The following SCTR variants were observed in gnomAD, a reference collection of about 807,000 sequenced individuals.
The protein encoded by SCTR is secretin receptor, also known as pancreatic secretin receptor.
SCTR carries 56 observed loss-of-function variants against 60.8 expected under a neutral mutation model. The ratio of observed to expected loss-of-function variants is 0.92; its 90% CI spans 0.74 to 1.15. The LOEUF (loss-of-function observed/expected upper bound fraction) is 1.15. SCTR is among the 50% of genes most tolerant of loss of function. The probability of loss-of-function intolerance (pLI) is 0.00; values close to 1 mark genes in which losing one functional copy is unlikely to be tolerated. For synonymous variants in SCTR, 202 were observed against 217.0 expected, an observed-to-expected ratio of 0.93 and a Z score of 0.61; for missense variants, 562 against 550.4, an observed-to-expected ratio of 1.02 and a Z score of -0.21.
At chr2:119,447,645 C>T (rs1007236858) in intron 10 of SCTR, among the ~76,000 whole-genome samples, 2 of 152,184 alleles carry the variant, frequency 1.3e-5, no homozygotes, top group South Asian at 2.1e-4. Flanking sequence ...AATCGCGGCT[C>T]ACTGCAACCT....
chr2:119,518,989 C>T (rs569047049), intron 1 of SCTR, among the ~76,000 whole-genome samples: 19 of 151,834 alleles, frequency 1.3e-4, no homozygotes, highest in East Asian at 7.7e-4. Flanking sequence ...TTTTTTGAGA[C>T]GGAGTTTTGC....
intron 7 of SCTR, among the ~76,000 whole-genome samples, chr2:119,459,233 A>G (rs1410137937): frequency 1.3e-5 from 2 of 152,218 alleles, no homozygotes; most frequent in Non-Finnish European, 2.9e-5. Context: ...GTAGTTTAAA[A>G]TGTTTATGAA....
rs1223239944 is a variant in SCTR, at chr2:119,453,318, C to T, written c.820G>A (p.Ala274Thr). The T allele has an allele frequency of 5.0e-6, 8 of 1,613,698 alleles. No individual in the cohort carries two copies. In the South Asian group the frequency reaches 8.8e-5, roughly 18 times the overall value. Residue 274 changes from alanine (A) to threonine (T), a missense_variant, in exon 8 of 13, where the codon GCT becomes ACT. Physicochemically the swap from Ala to Thr is moderately conservative, Grantham distance 58 (BLOSUM62 0). Transcript: ENST00000019103. Reference protein sequence around the residue: ...GSPAIFVALWAIARHFLEDVG... With the variant: ...GSPAIFVALWTIARHFLEDVG... Reference sequence around the variant, plus strand: ...TCTTCCAGAAAGTGTCTGGCAATAGCCCACAAAGCAACAAAAATGGCTGGA... The same window carrying T: ...TCTTCCAGAAAGTGTCTGGCAATAGTCCACAAAGCAACAAAAATGGCTGGA...
intron 12 of SCTR, among the ~76,000 whole-genome samples, chr2:119,440,725 G>T (rs1007421770): frequency 6.6e-6 from 1 of 152,116 alleles, no homozygotes; most frequent in African/African-American, 2.4e-5. Context: ...CTCAGTGATG[G>T]GTCCCCAGTG....
chr2:119,481,032 A>G (rs73951149), intron 2 of SCTR, among the ~76,000 whole-genome samples: 7,588 of 152,300 alleles, frequency 0.05, 293 homozygotes, highest in African/African-American at 0.11. Flanking sequence ...TCAAAGCCCA[A>G]CTGAAAAGCC....
intron 7 of SCTR, among the ~76,000 whole-genome samples, chr2:119,457,735 T>C (rs951196934): frequency 1.3e-5 from 2 of 152,128 alleles, no homozygotes; most frequent in African/African-American, 4.8e-5. Context: ...AATAATTTTA[T>C]ATTCTTATCT....
At chr2:119,481,089 C>G (rs757576650) in intron 2 of SCTR, among the ~76,000 whole-genome samples, 127 of 152,350 alleles carry the variant, frequency 8.3e-4, no homozygotes, top group Non-Finnish European at 1.8e-3. Context: ...CCGCTGGCCT[C>G]CCCAGGCCTG....
intron 1 of SCTR, among the ~76,000 whole-genome samples, chr2:119,522,008 G>C (rs554069928): frequency 3.6e-4 from 55 of 152,296 alleles, no homozygotes; most frequent in Admixed American, 2.9e-3. Context: ...GAAAATACAA[G>C]GGACCGCCGG....
intron 7 of SCTR, among the ~76,000 whole-genome samples, chr2:119,454,110 G>T (rs1190826237): frequency 6.6e-6 from 1 of 152,196 alleles, no homozygotes; most frequent in Non-Finnish European, 1.5e-5. Flanking sequence ...ACAGAAGCCT[G>T]CCAGAGGAGT....
Position 119,524,380 on chromosome 2 carries a change from C to G in SCTR, c.-154G>C, listed in dbSNP as rs565261433. The stretch of plus-strand genomic sequence containing the variant: ...GAGCCACCCGACCTGCGGCGGGCCC[C>G]GGGACTGCTCCTCCTCGGACCAGGT... On this transcript the variant is annotated 5_prime_UTR_variant, in exon 1 of 13. Coordinates refer to ENST00000019103, the MANE Select transcript of SCTR (RefSeq NM_002980.3). 9.0e-6 allele frequency: 4 copies of G among 445,490 alleles called. No homozygotes were observed. The highest frequency in any genetic ancestry group is 6.3e-5 in the South Asian group (1 of 15,990). The allele number at this position is 445,490 out of a possible 1,614,324, so 27.6% of individuals were successfully genotyped here.
At chr2:119,487,589 G>A (rs1226530840) in intron 2 of SCTR, among the ~76,000 whole-genome samples, 1 of 152,174 alleles carries the variant, frequency 6.6e-6, no homozygotes, top group Non-Finnish European at 1.5e-5. Flanking sequence ...CTTCCCCTGG[G>A]GAGAGCCATG....
intron 3 of SCTR, among the ~76,000 whole-genome samples, chr2:119,478,007 C>T (rs1558860764): frequency 6.6e-6 from 1 of 152,232 alleles, no homozygotes; most frequent in Non-Finnish European, 1.5e-5. Context: ...CCACTCCCTT[C>T]CCACAGTCTC....
In SCTR at chr2:119,446,796, A is replaced by G. The variant is rs1682946387; in HGVS notation, c.1103T>C (p.Ile368Thr). The G allele has an allele frequency of 6.4e-6, 10 of 1,566,678 alleles. No individual in the cohort carries two copies. The highest frequency in any genetic ancestry group is 7.8e-6 in the Non-Finnish European group (9 of 1,154,552). Residue 368 changes from isoleucine to threonine, a missense_variant, in exon 11 of 13, where the codon ATC becomes ACC. Ile to Thr is a moderately conservative substitution (Grantham distance 89). Transcript: ENST00000019103. ...AAGGGCTAGTTCAAAAAACAGCTGG[A>G]TCTCCATAGCGTCCTCTGGGGAGAA... Reference protein sequence around the residue: ...FAFSPEDAMEIQLFFELALGS... With the variant: ...FAFSPEDAMETQLFFELALGS...
Position 119,446,831 on chromosome 2 carries a change from G to C in SCTR, c.1068C>G (p.Ile356Met). 6.3e-7 allele frequency: 1 copy of C among 1,582,958 alleles called. No individual in the cohort carries two copies. The highest frequency in any genetic ancestry group is 1.2e-5 in the South Asian group (1 of 86,142). Residue 356 changes from isoleucine (I) to methionine (M), a missense_variant, in exon 11 of 13, where the codon ATC becomes ATG. Physicochemically the swap from Ile to Met is conservative, Grantham distance 10. Coordinates refer to ENST00000019103, the MANE Select transcript of SCTR (RefSeq NM_002980.3). ...CGTCCTCTGGGGAGAAGGCGAAGAC[G>C]ATGTAGTGGATGCCAAAGAGGGGGA... ...LLIPLFGIHYIVFAFSPEDAM... is the reference protein window; with the variant it reads ...LLIPLFGIHYMVFAFSPEDAM...
intron 1 of SCTR, among the ~76,000 whole-genome samples, chr2:119,519,810 C>CAAAAAAAAAAAAAAAAAAAAAAA (rs71396064): frequency 6.9e-5 from 4 of 58,284 alleles, no homozygotes; most frequent in Non-Finnish European, 6.6e-5. Flanking sequence ...GACTCTGTCT[C>CAAAAAAAAAAAAAAAAAAAAAAA]AAAAAAAAAA....
intron 1 of SCTR, among the ~76,000 whole-genome samples, chr2:119,498,934 G>A (rs1678442330): frequency 6.6e-6 from 1 of 151,930 alleles, no homozygotes; most frequent in African/African-American, 2.4e-5. Flanking sequence ...TAAAAAGAGA[G>A]ACTGGCATAT....
At chr2:119,503,064 C>T (rs142810764) in intron 1 of SCTR, among the ~76,000 whole-genome samples, 173 of 144,344 alleles carry the variant, frequency 1.2e-3, no homozygotes, top group African/African-American at 3.6e-3. Context: ...GAGGTTGAGG[C>T]GGGAGAATGG....
rs541744954 is a variant in SCTR, at chr2:119,472,255, C to T, written c.405+1198G>A. Among the ~76,000 whole-genome samples, 16 of 152,330 alleles carry T rather than the reference C, an allele frequency of 1.1e-4. No homozygotes were observed. The East Asian group carries it at 1.5e-3, about 15-fold the overall frequency. On this transcript the variant is annotated intron_variant, in intron 4 of 12. Coordinates refer to ENST00000019103, the MANE Select transcript of SCTR (RefSeq NM_002980.3). Reference sequence around the variant, plus strand: ...GCCAACACCAGGCTCTAAGGGAGCCCTTCCCGTGGGGAGGGGAAGAAAGGG... The same window carrying T: ...GCCAACACCAGGCTCTAAGGGAGCCTTTCCCGTGGGGAGGGGAAGAAAGGG...
intron 3 of SCTR, among the ~76,000 whole-genome samples, chr2:119,474,470 C>T (rs1677176825): frequency 6.6e-6 from 1 of 152,216 alleles, no homozygotes; most frequent in African/African-American, 2.4e-5. Context: ...GAATTCTGTA[C>T]TCTGAGCTGC....
Sources: gnomAD v4.1 joint callset for allele counts (sites outside exome capture counted in the v4.1 genomes callset) on GRCh38, gnomAD v4.1.1 for gene constraint, MANE v1.5 for transcripts, NCBI Gene and HGNC (gene_info 2026-07-23, HGNC 2026-07-21) for gene names.